Variants in RAB36 observed in about 807,000 individuals in gnomAD.
RAB36 encodes ras-related protein Rab-36.
In RAB36, 33 loss-of-function variants were observed where a neutral mutation model predicts 39.3. That is an observed-to-expected ratio of 0.84 (90% confidence interval 0.64 to 1.12). RAB36 has a LOEUF of 1.12. RAB36 is among the 50% of genes most tolerant of loss of function. The pLI, the probability that RAB36 is intolerant of heterozygous loss-of-function variation, is 0.00. For missense variants in RAB36, 308 were observed against 355.3 expected (o/e 0.87, Z 1.07); for synonymous variants, 133 against 140.2 (o/e 0.95, Z 0.36).
rs1470734723 is a variant in RAB36, at chr22:23,160,973, C to T, written c.714C>T (p.Leu238=). Residue 238 remains leucine (L), a synonymous_variant, in exon 10 of 11, where the codon CTC becomes CTT. Transcript: ENST00000263116. ...QDLERQSSAR[L]QVGNGDLIQM... Reference sequence around the variant, plus strand: ...TGGAGAGGCAGAGCAGTGCCCGGCTCCAGGTCGGCAATGGAGACCTAATCC... The same window carrying T: ...TGGAGAGGCAGAGCAGTGCCCGGCTTCAGGTCGGCAATGGAGACCTAATCC... The T allele has an allele frequency of 6.2e-7, 1 of 1,612,588 alleles. No homozygotes were observed. The highest frequency in any genetic ancestry group is 8.5e-7 in the Non-Finnish European group (1 of 1,179,110).
chr22:23,151,665 C>T (rs1478260184), intron 3 of RAB36, among the ~76,000 whole-genome samples: 2 of 152,152 alleles, frequency 1.3e-5, no homozygotes, highest in Admixed American at 6.5e-5. Context: ...GAGGATCACT[C>T]GAGCCAAGGA....
rs751644915 is a variant in RAB36 at position 23,153,146 on chromosome 22, G to C, written c.329+12G>C. 2 of 1,606,698 alleles carry C rather than the reference G, an allele frequency of 1.2e-6. No homozygotes were observed. The highest frequency in any genetic ancestry group is 1.7e-6 in the Non-Finnish European group (2 of 1,173,378). ...TATAGCCTCCAGATGTAAGTTGCTG[G>C]TTCCCCCATGGCTCGTGGGCAGCTT... On this transcript the variant is annotated intron_variant, in intron 5 of 10. Coordinates refer to ENST00000263116, the MANE Select transcript of RAB36 (RefSeq NM_004914.5).
At chr22:23,147,644 T>C (rs890526008) in intron 2 of RAB36, among the ~76,000 whole-genome samples, 2 of 152,200 alleles carry the variant, frequency 1.3e-5, no homozygotes, top group African/African-American at 4.8e-5. Context: ...TGCTATTCTA[T>C]TTCTAGGAAT....
chr22:23,146,193 G>A (rs1474198288), intron 1 of RAB36, among the ~76,000 whole-genome samples: 1 of 152,176 alleles, frequency 6.6e-6, no homozygotes, highest in African/African-American at 2.4e-5. Context: ...CTGACAGAGA[G>A]GGAAGCCTGG....
At chr22:23,158,253 G>A (rs2071573521) in intron 7 of RAB36, among the ~76,000 whole-genome samples, 1 of 152,226 alleles carries the variant, frequency 6.6e-6, no homozygotes, top group Admixed American at 6.5e-5. Flanking sequence ...CAGCACATGA[G>A]TGTGAGCCCA....
At chr22:23,154,182 G>A (rs575206012) in intron 5 of RAB36, among the ~76,000 whole-genome samples, 1 of 152,016 alleles carries the variant, frequency 6.6e-6, no homozygotes, top group Non-Finnish European at 1.5e-5. Flanking sequence ...CCTGGGCTCG[G>A]GCCCTCACCT....
Position 23,165,570 on chromosome 22 carries a change from C to T in RAB36, c.*4006C>T, listed in dbSNP as rs1159695223. ...CTGGGCACAGGAAAGAATTGGACTT[C>T]GGGCAGAAAAATGTTTGTGCTATTT... On this transcript the variant is annotated 3_prime_UTR_variant, in exon 11 of 11. Coordinates refer to ENST00000263116, the MANE Select transcript of RAB36 (RefSeq NM_004914.5). Among the ~76,000 whole-genome samples the T allele has an allele frequency of 1.3e-5, 2 of 152,194 alleles. No individual in the cohort carries two copies. Among genetic ancestry groups the T allele is most frequent in the African/African-American group, 2.4e-5 (1 of 41,440 alleles).
intron 6 of RAB36, among the ~76,000 whole-genome samples, chr22:23,156,533 G>T (rs1453053643): frequency 6.6e-6 from 1 of 152,180 alleles, no homozygotes; most frequent in East Asian, 1.9e-4. Flanking sequence ...ACCGTCAGCA[G>T]GGGGCGGCAG....
chr22:23,151,495 C>T (rs1326249735), intron 3 of RAB36, among the ~76,000 whole-genome samples: 1 of 152,210 alleles, frequency 6.6e-6, no homozygotes, highest in African/African-American at 2.4e-5. Context: ...TTGCTGTCTG[C>T]AGGCAGAGGA....
chr22:23,146,065 C>T (rs2070753111), intron 1 of RAB36: 4 of 963,880 alleles, frequency 4.1e-6, no homozygotes, highest in Non-Finnish European at 4.9e-6. Flanking sequence ...TTGGTAGACA[C>T]CTGTCAAGGG....
chr22:23,162,973 G>A lies in RAB36; in HGVS notation c.*1409G>A, dbSNP rs143123032. 9.8e-4 allele frequency: 325 copies of A among 331,786 alleles called. 3 individuals carry two copies. Among genetic ancestry groups the A allele is most frequent in the African/African-American group, 6.8e-3 (310 of 45,350 alleles). 20.6% of individuals were successfully genotyped at this position (331,786 alleles called of 1,614,324 possible). On this transcript the variant is annotated 3_prime_UTR_variant, in exon 11 of 11. Coordinates refer to ENST00000263116, the MANE Select transcript of RAB36 (RefSeq NM_004914.5). ...GTTGCCCAGGCTGGAGTGCAATGGC[G>A]TAATCTCGGCTCAGTGCAACCTCTG... is the stretch of plus-strand genomic sequence containing the variant.
intron 10 of RAB36, 125 bp from the exon 11 acceptor site, chr22:23,161,375 C>G (rs902716519): frequency 2.6e-5 from 23 of 898,646 alleles, no homozygotes; most frequent in Non-Finnish European, 3.9e-5. Flanking sequence ...TCAGGCCATT[C>G]AGGCCTTGAA....
intron 5 of RAB36, among the ~76,000 whole-genome samples, chr22:23,155,388 C>A (rs1255074333): frequency 6.6e-6 from 1 of 152,174 alleles, no homozygotes; most frequent in Non-Finnish European, 1.5e-5. Context: ...TTCCATGGAG[C>A]CAGGGCTTTG....
intron 7 of RAB36, among the ~76,000 whole-genome samples, chr22:23,158,443 TGAGAAGA>T (rs1430848810): frequency 6.6e-6 from 1 of 152,180 alleles, no homozygotes; most frequent in Non-Finnish European, 1.5e-5. Context: ...CTTGCAGTCT[TGAGAAGA>T]GAGAATTGGC....
In RAB36 at chr22:23,161,421, T is replaced by G. The variant is rs1420415861; in HGVS notation, c.740-79T>G. ...AGAAGCTTCAGCTCACAGCTCTGAC[T>G]GTCAGGGCCGGCATCCCCTGCCCAG... On this transcript the variant is annotated intron_variant, in intron 10 of 10. Coordinates refer to ENST00000263116, the MANE Select transcript of RAB36 (RefSeq NM_004914.5). 2.4e-6 allele frequency: 3 copies of G among 1,274,732 alleles called. No individual in the cohort carries two copies. The Admixed American group carries it at 5.6e-5, about 24-fold the overall frequency. The allele number at this position is 1,274,732 out of a possible 1,614,324, so 79.0% of individuals were successfully genotyped here.
At chr22:23,160,362 G>A (rs1485455241) in intron 9 of RAB36, among the ~76,000 whole-genome samples, 1 of 152,226 alleles carries the variant, frequency 6.6e-6, no homozygotes, top group Non-Finnish European at 1.5e-5. Flanking sequence ...CTGCACAAGG[G>A]CAGTGTGCGT....
intron 8 of RAB36, 56 bp from the exon 9 acceptor site, chr22:23,159,107 T>C (rs2071628188): frequency 1.3e-6 from 2 of 1,590,612 alleles, no homozygotes; most frequent in Non-Finnish European, 1.7e-6. Context: ...CCTATCCCCC[T>C]GGGCCTCCCT....
chr22:23,157,887 G>GT, intron 6 of RAB36, 105 bp from the exon 7 acceptor site: 10 of 1,580,086 alleles, frequency 6.3e-6, no homozygotes, highest in Non-Finnish European at 8.6e-6. Context: ...GTGCCTGGTT[G>GT]GGGGGCTGCC....
At position 23,162,336 on chromosome 22, in the gene RAB36, GC is replaced by G. The variant is rs2071855752; in HGVS notation, c.*773del. On this transcript the variant is annotated 3_prime_UTR_variant, in exon 11 of 11. Transcript: ENST00000263116. ...TGGACAGTGCATTTACCTGTGTGCT[GC>G]GGGAGGCAGACTGCACAGCTGTCCT... The G allele has an allele frequency of 3.2e-6, 1 of 309,544 alleles. No individual in the cohort carries two copies. Among genetic ancestry groups the G allele is most frequent in the Admixed American group, 4.2e-5 (1 of 24,078 alleles). 19.2% of individuals were successfully genotyped at this position (309,544 alleles called of 1,614,324 possible).
Sources: allele counts gnomAD v4.1 joint callset (sites outside exome capture counted in the v4.1 genomes callset), GRCh38; gene constraint gnomAD v4.1.1; transcripts MANE v1.5; gene names NCBI Gene and HGNC (gene_info 2026-07-23, HGNC 2026-07-21).